The following B4GALT2 variants were observed in gnomAD, a reference collection of about 807,000 sequenced individuals.
B4GALT2 encodes N-acetyllactosamine synthase.
In B4GALT2, 18 loss-of-function variants were observed where a neutral mutation model predicts 33.2. The observed-to-expected ratio is 0.54, with a 90% CI of 0.38 to 0.80. The LOEUF is 0.80. B4GALT2 is among the 30% of genes least tolerant of loss of function. The probability of loss-of-function intolerance (pLI) is 0.00; values close to 1 mark genes in which losing one functional copy is unlikely to be tolerated. For synonymous variants in B4GALT2, 214 were observed against 217.6 expected, an observed-to-expected ratio of 0.98 and a Z score of 0.15; for missense variants, 404 against 526.2, an observed-to-expected ratio of 0.77 and a Z score of 2.27.
chr1:43,990,632 T>C lies in B4GALT2; in HGVS notation c.*184T>C. ...AACCCACTTTGGGGGGCCTCCTGCC[T>C]GGGCAGGCTCTTCAAGTGTGGCCCT... On this transcript the variant is annotated 3_prime_UTR_variant, in exon 7 of 7. Coordinates refer to ENST00000372324, the MANE Select transcript of B4GALT2 (RefSeq NM_003780.5). 4 of 797,432 alleles carry C rather than the reference T, an allele frequency of 5.0e-6. No homozygotes were observed. The highest frequency in any genetic ancestry group is 7.8e-6 in the Non-Finnish European group (4 of 515,992). The allele number at this position is 797,432 out of a possible 1,614,324, so 49.4% of individuals were successfully genotyped here. A position where few individuals can be genotyped will look rare whatever the true frequency, so the allele number is the denominator to read the frequency against.
intron 1 of B4GALT2, chr1:43,980,169 G>C: frequency 9.2e-7 from 1 of 1,088,466 alleles, no homozygotes; most frequent in Non-Finnish European, 1.2e-6. Flanking sequence ...GTGCCTGTGA[G>C]ACTCACCCTG....
intron 6 of B4GALT2, 74 bp from the exon 7 acceptor site, chr1:43,990,220 AGTTG>A: frequency 1.3e-6 from 2 of 1,559,512 alleles, no homozygotes; most frequent in East Asian, 2.3e-5. Context: ...GGGTCCATTT[AGTTG>A]GTTGGGGGGT....
At position 43,984,763 on chromosome 1, in the gene B4GALT2, G is replaced by A. The variant is rs1557651641; in HGVS notation, c.550-102G>A. 4 of 1,237,312 alleles carry A rather than the reference G, an allele frequency of 3.2e-6. No homozygotes were observed. Among genetic ancestry groups the A allele is most frequent in the Admixed American group, 2.1e-5 (1 of 46,626 alleles). 76.6% of individuals were successfully genotyped at this position (1,237,312 alleles called of 1,614,324 possible). A position where few individuals can be genotyped will look rare whatever the true frequency, so the allele number is the denominator to read the frequency against. ...TGAGAGCCTGGAGGAGCCATGCAGC[G>A]AGGGGGCTGGTAGATCCCCAGAGAC... is the stretch of plus-strand genomic sequence containing the variant. On this transcript the variant is annotated intron_variant, in intron 3 of 6. Coordinates refer to ENST00000372324, the MANE Select transcript of B4GALT2 (RefSeq NM_003780.5). This position sits in a 1 kb window ranked among gnomAD's most constrained non-coding sequence, Gnocchi z 5.6.
intron 6 of B4GALT2, among the ~76,000 whole-genome samples, chr1:43,989,512 C>T (rs906315956): frequency 1.3e-5 from 2 of 152,178 alleles, no homozygotes; most frequent in African/African-American, 4.8e-5. Flanking sequence ...GATTGGTCAA[C>T]AGGTTACTGG....
In B4GALT2 at chr1:43,990,349, G is replaced by A. The variant is rs772448257; in HGVS notation, c.1020G>A (p.Gly340=). The change falls in exon 7 of 7, where the codon GGG becomes GGA. Residue 340 remains glycine (G), a synonymous_variant. Coordinates refer to ENST00000372324, the MANE Select transcript of B4GALT2 (RefSeq NM_003780.5). ...TKLTMKRDGI[G]SVRYQVLEVS... is the part of the protein sequence containing the mutation. ...TGACCATGAAGCGGGACGGCATTGG[G>A]TCAGTGCGGTACCAGGTCTTGGAGG... The A allele has an allele frequency of 5.6e-6, 9 of 1,614,078 alleles. No individual in the cohort carries two copies. The African/African-American group carries it at 1.1e-4, about 19-fold the overall frequency.
Position 43,985,346 on chromosome 1 carries a change from G to A in B4GALT2, c.809G>A (p.Gly270Asp). Residue 270 changes from glycine (G) to aspartate (D), a missense_variant, in exon 5 of 7, where the codon GGC becomes GAC. Physicochemically the swap from Gly to Asp is moderately conservative, Grantham distance 94. Coordinates refer to ENST00000372324, the MANE Select transcript of B4GALT2 (RefSeq NM_003780.5). The part of the protein sequence containing the change: ...LSKAQFLRIN[G>D]FPNEYWGWGG... ...AAGGCTCAGTTTCTGAGAATCAATG[G>A]CTTCCCCAATGAGTACTGGGGCTGG... 6.2e-7 allele frequency: 1 copy of A among 1,610,820 alleles called. No homozygotes were observed. The highest frequency in any genetic ancestry group is 8.5e-7 in the Non-Finnish European group (1 of 1,179,046).
Position 43,985,512 on chromosome 1 carries a change from C to T in B4GALT2, c.864-5C>T. On this transcript the variant is annotated splice_region_variant and splice_polypyrimidine_tract_variant and intron_variant, in intron 5 of 6. Coordinates refer to ENST00000372324, the MANE Select transcript of B4GALT2 (RefSeq NM_003780.5). ...CTGTTCCAGTCTGTCCGTCCCCATC[C>T]TCAGGATCTCCCTGACTGGGATGAA... 6.2e-7 allele frequency: 1 copy of T among 1,613,132 alleles called. No homozygotes were observed. The highest frequency in any genetic ancestry group is 8.5e-7 in the Non-Finnish European group (1 of 1,179,784).
chr1:43,990,457 G>GTA lies in B4GALT2; in HGVS notation c.*9_*10insTA, dbSNP rs745521724. 1 of 1,614,086 alleles carries GTA rather than the reference G, an allele frequency of 6.2e-7. No homozygotes were observed. Among genetic ancestry groups the GTA allele is most frequent in the African/African-American group, 1.3e-5 (1 of 75,046 alleles). Reference sequence around the variant, plus strand: ...GGCCCCCTCGGGGCTGACACTAATGGACAGAGGCTCTCGGTGCCGAAGATT... The same window carrying GTA: ...GGCCCCCTCGGGGCTGACACTAATGGTAACAGAGGCTCTCGGTGCCGAAGATT... On this transcript the variant is annotated 3_prime_UTR_variant, in exon 7 of 7. Transcript: ENST00000372324.
At position 43,979,928 on chromosome 1, in the gene B4GALT2, C is replaced by A; in HGVS notation, c.-53+417C>A. The stretch of plus-strand genomic sequence containing the variant: ...ACGCACCCCTCAGCCTGGCCGCCAG[C>A]CTGACCCAGAACCCCTGCGCCGGAG... On this transcript the variant is annotated intron_variant, in intron 1 of 6. Coordinates refer to ENST00000372324, the MANE Select transcript of B4GALT2 (RefSeq NM_003780.5). The surrounding 1 kb of genome is among the most constrained non-coding windows in gnomAD (Gnocchi z 4.8). 6.7e-7 allele frequency: 1 copy of A among 1,486,628 alleles called. No individual in the cohort carries two copies. The allele number at this position is 1,486,628 out of a possible 1,614,324, so 92.1% of individuals were successfully genotyped here. A position where few individuals can be genotyped will look rare whatever the true frequency, so the allele number is the denominator to read the frequency against.
intron 6 of B4GALT2, among the ~76,000 whole-genome samples, chr1:43,989,542 G>A (rs1408814643): frequency 6.6e-6 from 1 of 152,126 alleles, no homozygotes; most frequent in South Asian, 2.1e-4. Flanking sequence ...GAATATTTAC[G>A]GAGGGGGTCC....
chr1:43,985,137 G>T, intron 4 of B4GALT2, 82 bp downstream of exon 4: 1 of 1,578,696 alleles, frequency 6.3e-7, no homozygotes, highest in East Asian at 2.2e-5. Context: ...AGCCCCGCTT[G>T]CTCCTGGCTG....
chr1:43,980,476 C>G (rs879922846), intron 1 of B4GALT2: 111 of 898,390 alleles, frequency 1.2e-4, no homozygotes, highest in Non-Finnish European at 1.4e-4. Flanking sequence ...TTGGGCCCCC[C>G]GGATGCTGAG....
Position 43,981,799 on chromosome 1 carries a change from G to A in B4GALT2, c.424G>A (p.Ala142Thr). The A allele has an allele frequency of 6.2e-7, 1 of 1,613,822 alleles. No individual in the cohort carries two copies. The highest frequency in any genetic ancestry group is 8.5e-7 in the Non-Finnish European group (1 of 1,180,024). Reference protein sequence around the residue: ...GRYTPPDCTPAQTVAVIIPFR... With the variant: ...GRYTPPDCTPTQTVAVIIPFR... ...ATACACACCGCCCGACTGCACCCCA[G>A]CCCAGACGGTGGCGGTCATCATCCC... is the stretch of plus-strand genomic sequence containing the variant. Residue 142 changes from alanine to threonine, a missense_variant, in exon 3 of 7, where the codon GCC becomes ACC. Transcript: ENST00000372324. This position sits in a 1 kb window ranked among gnomAD's most constrained non-coding sequence, Gnocchi z 8.1.
rs2085634214 is a variant in B4GALT2, at chr1:43,984,531, A to G, written c.550-334A>G. On this transcript the variant is annotated intron_variant, in intron 3 of 6. Transcript: ENST00000372324. The surrounding 1 kb of genome is among the most constrained non-coding windows in gnomAD (Gnocchi z 5.6). ...TGGGGTGGGGAAGTGTGGTCAGGGG[A>G]GCCGCTCCAGCCCTGAGTGTGACAA... is the stretch of plus-strand genomic sequence containing the variant. Among the ~76,000 whole-genome samples, 1 of 152,172 alleles carries G rather than the reference A, an allele frequency of 6.6e-6. No homozygotes were observed. The highest frequency in any genetic ancestry group is 1.5e-5 in the Non-Finnish European group (1 of 68,026).
chr1:43,985,444 GGGGGGGTGCAGACTGGGT>G, intron 5 of B4GALT2, 44 bp downstream of exon 5: 1 of 745,902 alleles, frequency 1.3e-6, no homozygotes, highest in Non-Finnish European at 2.0e-6. Context: ...GGGGGGGGGA[GGGGGGGTGCAGACTGGGT>G]GGGGTTCTTT....
chr1:43,990,719 G>T lies in B4GALT2; in HGVS notation c.*271G>T. 1 of 495,608 alleles carries T rather than the reference G, an allele frequency of 2.0e-6. No homozygotes were observed. 30.7% of individuals were successfully genotyped at this position (495,608 alleles called of 1,614,324 possible). On this transcript the variant is annotated 3_prime_UTR_variant, in exon 7 of 7. Coordinates refer to ENST00000372324, the MANE Select transcript of B4GALT2 (RefSeq NM_003780.5). ...TAGCCCAGCCCCAGTCACTGTCAGGGTCGGGCCAGCCCCTGCACTGCCTCG... is the reference window on the plus strand; with the variant it reads ...TAGCCCAGCCCCAGTCACTGTCAGGTTCGGGCCAGCCCCTGCACTGCCTCG...
chr1:43,989,167 T>C (rs4567315), intron 6 of B4GALT2, among the ~76,000 whole-genome samples: 88,431 of 151,806 alleles, frequency 0.58, 30,381 homozygotes, highest in Non-Finnish European at 0.76. Flanking sequence ...ACCAACATGG[T>C]GAAACCCCAT....
chr1:43,982,826 T>G lies in B4GALT2; in HGVS notation c.549+902T>G, dbSNP rs1261640376. Among the ~76,000 whole-genome samples the G allele has an allele frequency of 6.6e-6, 1 of 152,162 alleles. No homozygotes were observed. The highest frequency in any genetic ancestry group is 1.5e-5 in the Non-Finnish European group (1 of 68,012). On this transcript the variant is annotated intron_variant, in intron 3 of 6. Coordinates refer to ENST00000372324, the MANE Select transcript of B4GALT2 (RefSeq NM_003780.5). This position sits in a 1 kb window ranked among gnomAD's most constrained non-coding sequence, Gnocchi z 4.3. Reference sequence around the variant, plus strand: ...CGTGTTTGCTTTGTAGAAAGGTCACTCTGGTTGCATATGGAGCATGGATGG... The same window carrying G: ...CGTGTTTGCTTTGTAGAAAGGTCACGCTGGTTGCATATGGAGCATGGATGG...
chr1:43,985,242 G>A lies in B4GALT2; in HGVS notation c.741-36G>A, dbSNP rs114660892. ...CTGGTCCTTCCCCTGGAGTCCCCTT[G>A]GGACCCTTACTGACACCTGCCTTCC... On this transcript the variant is annotated intron_variant, in intron 4 of 6. Coordinates refer to ENST00000372324, the MANE Select transcript of B4GALT2 (RefSeq NM_003780.5). The A allele has an allele frequency of 1.4e-3, 2,249 of 1,595,370 alleles. 36 individuals carry two copies. The African/African-American group carries it at 0.028, about 20-fold the overall frequency.
Sources: allele counts gnomAD v4.1 joint callset (sites outside exome capture counted in the v4.1 genomes callset), GRCh38; gene constraint gnomAD v4.1.1; non-coding constraint Gnocchi (gnomAD v3.1); transcripts MANE v1.5; gene names NCBI Gene and HGNC (gene_info 2026-07-23, HGNC 2026-07-21).